The following PVT1 variants were observed in gnomAD, a reference collection of about 807,000 sequenced individuals.
PVT1 encodes Pvt1 oncogene, also known as CXCR4/PVT1 fusion.
intron 2 of PVT1, among the ~76,000 whole-genome samples, chr8:127,839,584 A>AT (rs1218914351): frequency 1.3e-5 from 2 of 150,570 alleles, no homozygotes; most frequent in African/African-American, 2.4e-5. Context: ...GAAAAAAAAA[A>AT]TAAAAAAAAA....
intron 4 of PVT1, among the ~76,000 whole-genome samples, chr8:127,992,614 A>G (rs1586471464): frequency 6.6e-6 from 1 of 152,164 alleles, no homozygotes; most frequent in South Asian, 2.1e-4. Flanking sequence ...ACCTTGCCCG[A>G]GGAAATGGGC....
chr8:127,911,748 T>C (rs570675376), intron 3 of PVT1, among the ~76,000 whole-genome samples: 87 of 152,366 alleles, frequency 5.7e-4, no homozygotes, highest in Middle Eastern at 6.8e-3. Flanking sequence ...GCTGTGCTTT[T>C]ATTTGCTTCT....
chr8:127,957,729 C>T (rs1414285807), intron 3 of PVT1, among the ~76,000 whole-genome samples: 5 of 152,220 alleles, frequency 3.3e-5, no homozygotes, highest in Admixed American at 2.6e-4. Flanking sequence ...GTCCTGGGAG[C>T]GAGTGTTTCT....
intron 6 of PVT1, among the ~76,000 whole-genome samples, chr8:128,096,864 G>T (rs1016808084): frequency 6.6e-6 from 1 of 152,222 alleles, no homozygotes; most frequent in Non-Finnish European, 1.5e-5. Context: ...CGATGGGAAT[G>T]ATGGCAGCAG....
intron 3 of PVT1, among the ~76,000 whole-genome samples, chr8:127,987,109 CTG>C (rs1190678686): frequency 2.0e-5 from 3 of 152,172 alleles, no homozygotes; most frequent in Non-Finnish European, 4.4e-5. Flanking sequence ...CTTGGGGACT[CTG>C]TGTGTGTTCA....
In PVT1 at chr8:127,798,703, AC is replaced by A. The variant is rs1384774550; in HGVS notation, n.372+2633del. On this transcript the variant is annotated intron_variant and non_coding_transcript_variant, in intron 2 of 10. Coordinates refer to ENST00000651587, the Ensembl canonical transcript of PVT1. ...GTGAAACCCTGTCTCTACTAAAAAT[AC>A]AAAAAAAAAAAAAAAAAAAAAATTA... 3.1e-3 allele frequency among the ~76,000 whole-genome samples: 346 copies of A among 109,980 alleles called. 5 individuals are homozygous for A. The South Asian group carries it at 0.04, about 13-fold the overall frequency. 72.2% of individuals were successfully genotyped at this position (109,980 alleles called of 152,430 possible).
chr8:127,903,901 C>T (rs28556849), intron 3 of PVT1, among the ~76,000 whole-genome samples: 19,094 of 152,100 alleles, frequency 0.13, 3,892 homozygotes, highest in African/African-American at 0.43. Context: ...TTGCTTTGGT[C>T]ATTCAGGCTC....
At chr8:128,061,903 G>A (rs112176690) in intron 4 of PVT1, among the ~76,000 whole-genome samples, 2 of 152,196 alleles carry the variant, frequency 1.3e-5, no homozygotes, top group African/African-American at 4.8e-5. Context: ...TTAAAAAAAT[G>A]TACAAATGAA....
chr8:127,899,597 A>C (rs1016490037), intron 3 of PVT1, among the ~76,000 whole-genome samples: 4 of 152,182 alleles, frequency 2.6e-5, no homozygotes, highest in Non-Finnish European at 5.9e-5. Flanking sequence ...GTGGGATTGC[A>C]TTTCATCCAC....
Position 128,002,334 on chromosome 8 carries a change from A to G in PVT1, n.912+13043A>G, listed in dbSNP as rs73355672. ...AATCTGGCCTCTGCACCTGTGTGAC[A>G]TTTTCCTCCCATTGCTTTACATGTT... On this transcript the variant is annotated intron_variant and non_coding_transcript_variant, in intron 4 of 10. Transcript: ENST00000651587. Among the ~76,000 whole-genome samples the G allele has an allele frequency of 2.6e-3, 401 of 152,190 alleles. 2 individuals are homozygous for G. The highest frequency in any genetic ancestry group is 9.1e-3 in the African/African-American group (377 of 41,506).
At chr8:127,831,056 GTGTGTGTGTATA>G (rs1814842971) in intron 2 of PVT1, among the ~76,000 whole-genome samples, 1 of 100,904 alleles carries the variant, frequency 9.9e-6, no homozygotes, top group Non-Finnish European at 2.3e-5. Flanking sequence ...GTGTGTGTGT[GTGTGTGTGTATA>G]TATATATAGA....
chr8:128,022,528 A>G (rs1018360445), intron 4 of PVT1, among the ~76,000 whole-genome samples: 2 of 152,218 alleles, frequency 1.3e-5, no homozygotes, highest in African/African-American at 4.8e-5. Flanking sequence ...CACACATAAG[A>G]TGCACTGAAG....
intron 6 of PVT1, chr8:128,099,466 C>CTCCA (rs1238160733): frequency 6.6e-6 from 1 of 152,254 alleles, no homozygotes. Context: ...CGCCTGCGTG[C>CTCCA]TCCACCTCGG....
chr8:127,987,080 G>A (rs1326141790), intron 3 of PVT1, among the ~76,000 whole-genome samples: 1 of 152,174 alleles, frequency 6.6e-6, no homozygotes, highest in Non-Finnish European at 1.5e-5. Context: ...GGGAAGAAAG[G>A]TTATGTGTCT....
chr8:128,000,576 A>C (rs1817164146), intron 4 of PVT1, among the ~76,000 whole-genome samples: 1 of 152,222 alleles, frequency 6.6e-6, no homozygotes, highest in Non-Finnish European at 1.5e-5. Flanking sequence ...GCAGGCCCAG[A>C]ATGGCCAGAC....
chr8:128,030,152 A>G (rs1813372177), intron 4 of PVT1, among the ~76,000 whole-genome samples: 1 of 152,054 alleles, frequency 6.6e-6, no homozygotes, highest in South Asian at 2.1e-4. Context: ...TATCCTACCA[A>G]CGTATATACT....
chr8:127,950,227 A>T (rs1816489386), intron 3 of PVT1, among the ~76,000 whole-genome samples: 1 of 152,180 alleles, frequency 6.6e-6, no homozygotes, highest in East Asian at 1.9e-4. Flanking sequence ...AGCTCACCTC[A>T]CTTGGGTGCT....
chr8:128,078,774 A>C (rs960653472), intron 5 of PVT1, among the ~76,000 whole-genome samples: 2 of 152,198 alleles, frequency 1.3e-5, no homozygotes, highest in Admixed American at 6.5e-5. Context: ...TCAATGTGCT[A>C]TACCCCATTT....
At chr8:127,963,439 C>G (rs1816669300) in intron 3 of PVT1, among the ~76,000 whole-genome samples, 1 of 152,166 alleles carries the variant, frequency 6.6e-6, no homozygotes, top group Non-Finnish European at 1.5e-5. Flanking sequence ...GGAAATCACT[C>G]AATTCTTGTT....
Sources: gnomAD v4.1 joint callset for allele counts (sites outside exome capture counted in the v4.1 genomes callset) on GRCh38, gnomAD v4.1.1 for gene constraint, MANE v1.5 for transcripts, NCBI Gene and HGNC (gene_info 2026-07-23, HGNC 2026-07-21) for gene names.